Variants in METTL24 observed in about 807,000 individuals in gnomAD.
METTL24 encodes probable methyltransferase-like protein 24.
A neutral mutation model predicts 32.7 loss-of-function variants in METTL24; 29 were observed. The ratio of observed to expected loss-of-function variants is 0.89; its 90% CI spans 0.66 to 1.21. The LOEUF is 1.21. Among genes scored for constraint, METTL24 ranks in the 50% most tolerant of loss-of-function variants. The pLI, the probability that METTL24 is intolerant of heterozygous loss-of-function variation, is 0.00. For missense variants in METTL24, 439 were observed against 468.1 expected (o/e 0.94, Z 0.57); for synonymous variants, 163 against 179.5 (o/e 0.91, Z 0.73).
intron 4 of METTL24, among the ~76,000 whole-genome samples, chr6:110,255,982 C>G (rs1011119864): frequency 2.6e-5 from 4 of 151,966 alleles, no homozygotes; most frequent in African/African-American, 9.7e-5. Context: ...GGACACAAAA[C>G]AAACGCATTT....
At position 110,335,563 on chromosome 6, in the gene METTL24, ATTGTTTTT is replaced by A. The variant is rs1452664018; in HGVS notation, c.319-12699_319-12692del. Among the ~76,000 whole-genome samples, 297 of 113,626 alleles carry A rather than the reference ATTGTTTTT, an allele frequency of 2.6e-3. 7 individuals carry two copies. The highest frequency in any genetic ancestry group is 5.9e-3 in the Admixed American group (61 of 10,418). 74.5% of individuals were successfully genotyped at this position (113,626 alleles called of 152,430 possible). On this transcript the variant is annotated intron_variant, in intron 1 of 4. Coordinates refer to ENST00000338882, the MANE Select transcript of METTL24 (RefSeq NM_001123364.3). ...ACTTGCTTTGTACTTGTAGGGAATCATTGTTTTTTTTTTTTTTTTTTTTTTTTTTTTAT... is the reference window on the plus strand; with the variant it reads ...ACTTGCTTTGTACTTGTAGGGAATCATTTTTTTTTTTTTTTTTTTTTTTAT...
At chr6:110,253,833 T>C in intron 4 of METTL24, 5 of 1,338,698 alleles carry the variant, frequency 3.7e-6, no homozygotes, top group Non-Finnish European at 4.9e-6. Flanking sequence ...TAACAGACTA[T>C]GAATATATTT....
At chr6:110,285,707 A>G (rs542953365) in intron 4 of METTL24, among the ~76,000 whole-genome samples, 1 of 152,182 alleles carries the variant, frequency 6.6e-6, no homozygotes, top group Non-Finnish European at 1.5e-5. Flanking sequence ...TGAACGTAAC[A>G]TTCCTCTACA....
chr6:110,357,909 G>A, intron 1 of METTL24, 46 bp downstream of exon 1: 1 of 1,120,440 alleles, frequency 8.9e-7, no homozygotes, highest in East Asian at 3.8e-5. Context: ...GCGGTCGGGA[G>A]GGGGCTTCTG....
At chr6:110,349,791 T>G (rs1772557189) in intron 1 of METTL24, among the ~76,000 whole-genome samples, 1 of 152,198 alleles carries the variant, frequency 6.6e-6, no homozygotes. Context: ...CAGCTCTAAT[T>G]TATTGGTCTG....
intron 4 of METTL24, among the ~76,000 whole-genome samples, chr6:110,265,128 GGAAAGAAAGAAAGAAAGAAAGAAA>G (rs56782773): frequency 0.082 from 9,617 of 117,792 alleles, 462 homozygotes; most frequent in Middle Eastern, 0.11. Flanking sequence ...TAATAAAAAA[GGAAAGAAAGAAAGAAAGAAAGAAA>G]GAAAGAAAGA....
intron 1 of METTL24, among the ~76,000 whole-genome samples, chr6:110,333,380 G>A (rs751666116): frequency 6.6e-6 from 1 of 152,016 alleles, no homozygotes; most frequent in African/African-American, 2.4e-5. Context: ...TTTGTCTGTC[G>A]ATATTTGTAA....
chr6:110,286,207 C>T (rs898409276), intron 4 of METTL24, among the ~76,000 whole-genome samples: 1 of 152,140 alleles, frequency 6.6e-6, no homozygotes. Context: ...CTCCTGACCC[C>T]CGTCTTGTTT....
intron 4 of METTL24, among the ~76,000 whole-genome samples, chr6:110,286,653 T>C (rs1771227275): frequency 6.6e-6 from 1 of 152,132 alleles, no homozygotes; most frequent in Non-Finnish European, 1.5e-5. Flanking sequence ...AAAGAAAACA[T>C]CACCACAGCT....
intron 4 of METTL24, among the ~76,000 whole-genome samples, chr6:110,253,243 A>C (rs1225946737): frequency 6.6e-6 from 1 of 152,158 alleles, no homozygotes; most frequent in East Asian, 1.9e-4. Flanking sequence ...AGAGAGAGAG[A>C]TGTCTGGCCA....
At chr6:110,317,357 C>T (rs1289755696) in intron 2 of METTL24, among the ~76,000 whole-genome samples, 1 of 152,194 alleles carries the variant, frequency 6.6e-6, no homozygotes, top group East Asian at 1.9e-4. Context: ...ATGTCTCTGC[C>T]TGCCCACCTC....
At chr6:110,346,224 A>G (rs1422204584) in intron 1 of METTL24, among the ~76,000 whole-genome samples, 1 of 152,248 alleles carries the variant, frequency 6.6e-6, no homozygotes, top group Non-Finnish European at 1.5e-5. Flanking sequence ...ATACCCAGTG[A>G]TAGAAACAAC....
intron 3 of METTL24, among the ~76,000 whole-genome samples, chr6:110,301,999 C>T (rs938568689): frequency 6.6e-6 from 1 of 151,952 alleles, no homozygotes; most frequent in Non-Finnish European, 1.5e-5. Context: ...GTTATGGCTG[C>T]ATGCGGTGGC....
chr6:110,303,870 G>A (rs1409962089), intron 3 of METTL24, among the ~76,000 whole-genome samples: 1 of 152,174 alleles, frequency 6.6e-6, no homozygotes, highest in Non-Finnish European at 1.5e-5. Context: ...CTCCTGACGG[G>A]GAGACACCTC....
chr6:110,354,553 T>A (rs565264471), intron 1 of METTL24, among the ~76,000 whole-genome samples: 4 of 152,356 alleles, frequency 2.6e-5, no homozygotes, highest in South Asian at 4.1e-4. Flanking sequence ...AAACAAAATC[T>A]AAATACACTG....
intron 4 of METTL24, among the ~76,000 whole-genome samples, chr6:110,283,743 AC>A (rs1771175543): frequency 6.6e-6 from 1 of 152,192 alleles, no homozygotes; most frequent in Admixed American, 6.5e-5. Flanking sequence ...AAAATTATGT[AC>A]CTGCTATGGA....
At chr6:110,347,863 G>A (rs1369128584) in intron 1 of METTL24, among the ~76,000 whole-genome samples, 1 of 152,074 alleles carries the variant, frequency 6.6e-6, no homozygotes, top group Non-Finnish European at 1.5e-5. Context: ...GAGTTATATG[G>A]GGAATACATT....
At chr6:110,343,072 C>A (rs1772391980) in intron 1 of METTL24, among the ~76,000 whole-genome samples, 1 of 152,154 alleles carries the variant, frequency 6.6e-6, no homozygotes, top group African/African-American at 2.4e-5. Flanking sequence ...ACCTGGAATG[C>A]AATTGCTGGG....
In METTL24 at chr6:110,295,005, C is replaced by CTTTTTTTTTT. The variant is rs1562228256; in HGVS notation, c.786+3916_786+3917insAAAAAAAAAA. Among the ~76,000 whole-genome samples the CTTTTTTTTTT allele has an allele frequency of 4.0e-4, 39 of 96,822 alleles. 2 individuals are homozygous for CTTTTTTTTTT. The highest frequency in any genetic ancestry group is 1.5e-3 in the African/African-American group (37 of 24,490). The allele number at this position is 96,822 out of a possible 152,430, so 63.5% of individuals were successfully genotyped here. A position where few individuals can be genotyped will look rare whatever the true frequency, so the allele number is the denominator to read the frequency against. The stretch of plus-strand genomic sequence containing the variant: ...AGTCTTTAATTGCTTTTCTTTTTTT[C>CTTTTTTTTTT]TTTCTTTCTTTTTTTTTTTTTTTTT... On this transcript the variant is annotated intron_variant, in intron 4 of 4. Transcript: ENST00000338882.
Sources: allele counts gnomAD v4.1 joint callset (sites outside exome capture counted in the v4.1 genomes callset), GRCh38; gene constraint gnomAD v4.1.1; transcripts MANE v1.5; gene names NCBI Gene and HGNC (gene_info 2026-07-23, HGNC 2026-07-21).